The following SPEF2 variants were observed in gnomAD, a reference collection of about 807,000 sequenced individuals.
SPEF2 encodes sperm flagella and cilia-associated protein 2.
A neutral mutation model predicts 224.6 loss-of-function variants in SPEF2; 187 were observed. The ratio of observed to expected loss-of-function variants is 0.83; its 90% CI spans 0.74 to 0.94. The LOEUF (loss-of-function observed/expected upper bound fraction) is 0.94, where lower values mean the gene tolerates loss of function less well. Ranked by LOEUF, SPEF2 falls within the 40% of genes least tolerant of loss-of-function variation. The pLI is 0.00. For synonymous variants in SPEF2, 715 were observed against 707.3 expected (o/e 1.01, Z -0.17); for missense variants, 2,170 against 2,135.6 (o/e 1.02, Z -0.32).
intron 2 of SPEF2, among the ~76,000 whole-genome samples, chr5:35,630,098 A>T (rs1744869898): frequency 6.6e-6 from 1 of 152,182 alleles, no homozygotes; most frequent in Non-Finnish European, 1.5e-5. Flanking sequence ...GGGCACAGTG[A>T]TGCAAGAAGT....
chr5:35,663,507 C>T (rs1242803753), intron 8 of SPEF2, among the ~76,000 whole-genome samples: 1 of 152,114 alleles, frequency 6.6e-6, no homozygotes, highest in Admixed American at 6.6e-5. Context: ...CACCTGAAAG[C>T]TGCTTCACCC....
At chr5:35,756,834 GC>G (rs1263815304) in intron 24 of SPEF2, among the ~76,000 whole-genome samples, 1 of 152,128 alleles carries the variant, frequency 6.6e-6, no homozygotes, top group Non-Finnish European at 1.5e-5. Flanking sequence ...ACATCGAGAT[GC>G]CCTGCAGGAA....
chr5:35,695,688 A>T, intron 13 of SPEF2, 47 bp from the exon 14 acceptor site: 1 of 1,471,054 alleles, frequency 6.8e-7, no homozygotes, highest in Non-Finnish European at 9.4e-7. Context: ...TTTGGTTGTT[A>T]GGTGTAAATA....
At chr5:35,775,412 T>G (rs756062070) in intron 28 of SPEF2, among the ~76,000 whole-genome samples, 4 of 152,034 alleles carry the variant, frequency 2.6e-5, no homozygotes, top group Non-Finnish European at 5.9e-5. Context: ...AAGAGGAGTA[T>G]TACGTGCCAT....
rs1561401951 is a variant in SPEF2 at position 35,814,523 on chromosome 5, A to G, written c.5439A>G (p.Ser1813=). The change falls in exon 37 of 37, where the codon TCA becomes TCG. Residue 1813 remains serine (S), a synonymous_variant. Transcript: ENST00000356031. ...TACAAGGAAGTGATGGAGAGAGATC[A>G]CCTTCAAGACATACAGAGGAAAAGA... ...EHVQGSDGER[S]PSRHTEEKK The G allele has an allele frequency of 1.9e-6, 3 of 1,608,448 alleles. No individual in the cohort carries two copies. Among genetic ancestry groups the G allele is most frequent in the East Asian group, 2.2e-5 (1 of 44,684 alleles).
chr5:35,754,010 C>G (rs187534547), intron 24 of SPEF2, among the ~76,000 whole-genome samples: 1 of 152,206 alleles, frequency 6.6e-6, no homozygotes, highest in East Asian at 1.9e-4. Context: ...CCCAGGTGGC[C>G]TAGATATGTA....
chr5:35,749,252 A>G (rs1561301834), intron 23 of SPEF2, among the ~76,000 whole-genome samples: 1 of 152,186 alleles, frequency 6.6e-6, no homozygotes, highest in Admixed American at 6.5e-5. Flanking sequence ...CATAATACTG[A>G]ATGGGGAAAA....
intron 33 of SPEF2, among the ~76,000 whole-genome samples, chr5:35,799,143 C>G (rs570488202): frequency 6.6e-6 from 1 of 152,160 alleles, no homozygotes; most frequent in Non-Finnish European, 1.5e-5. Flanking sequence ...CTTAGAAGGT[C>G]CAGCACCATA....
intron 33 of SPEF2, among the ~76,000 whole-genome samples, chr5:35,799,287 G>T (rs1757098781): frequency 1.3e-5 from 2 of 152,184 alleles, no homozygotes; most frequent in African/African-American, 4.8e-5. Flanking sequence ...TCCAGGGCTT[G>T]GGCCTCTGCT....
chr5:35,774,029 T>A lies in SPEF2; in HGVS notation c.4078+8T>A. ...CTGCCTTGCAATTTGAAGGTAGCGATTGAAACGACTAAGATGATGCTTTTC... is the reference window on the plus strand; with the variant it reads ...CTGCCTTGCAATTTGAAGGTAGCGAATGAAACGACTAAGATGATGCTTTTC... On this transcript the variant is annotated splice_region_variant and intron_variant, in intron 28 of 36. Coordinates refer to ENST00000356031, the MANE Select transcript of SPEF2 (RefSeq NM_024867.4). 6.2e-7 allele frequency: 1 copy of A among 1,610,736 alleles called. No individual in the cohort carries two copies. Among genetic ancestry groups the A allele is most frequent in the South Asian group, 1.1e-5 (1 of 90,718 alleles).
intron 10 of SPEF2, chr5:35,675,797 G>T (rs1159420004): frequency 2.6e-6 from 1 of 389,676 alleles, no homozygotes; most frequent in Non-Finnish European, 5.1e-6. Context: ...CAATGTATTA[G>T]TTTTCAAAGA....
chr5:35,622,798 T>G (rs144434109), intron 1 of SPEF2, among the ~76,000 whole-genome samples: 6 of 152,312 alleles, frequency 3.9e-5, no homozygotes, highest in African/African-American at 1.4e-4. Context: ...AGAAGGCTAT[T>G]GTGTAAATCG....
At chr5:35,716,850 T>G (rs1742672665) in intron 20 of SPEF2, among the ~76,000 whole-genome samples, 1 of 152,200 alleles carries the variant, frequency 6.6e-6, no homozygotes, top group Non-Finnish European at 1.5e-5. Context: ...AACCATCTAT[T>G]TTTTCCTTTC....
At chr5:35,658,480 T>A (rs1169630353) in intron 7 of SPEF2, among the ~76,000 whole-genome samples, 3 of 152,246 alleles carry the variant, frequency 2.0e-5, no homozygotes, top group Non-Finnish European at 4.4e-5. Flanking sequence ...AGTCTTCAGC[T>A]GACAATGCCT....
At chr5:35,798,865 G>A (rs765482343) in intron 33 of SPEF2, among the ~76,000 whole-genome samples, 17 of 152,210 alleles carry the variant, frequency 1.1e-4, no homozygotes, top group Non-Finnish European at 2.1e-4. Context: ...CCAAAGTGCT[G>A]GGATTACAGA....
chr5:35,623,218 G>A (rs1328908321), intron 1 of SPEF2, among the ~76,000 whole-genome samples: 1 of 152,186 alleles, frequency 6.6e-6, no homozygotes, highest in Non-Finnish European at 1.5e-5. Flanking sequence ...GAATGCCAAG[G>A]CGTAGCTGTG....
Position 35,645,143 on chromosome 5 carries a change from G to T in SPEF2, c.585+618G>T, listed in dbSNP as rs144036628. 1.9e-3 allele frequency among the ~76,000 whole-genome samples: 296 copies of T among 152,316 alleles called. 2 individuals are homozygous for T. The highest frequency in any genetic ancestry group is 6.7e-3 in the African/African-American group (279 of 41,572). On this transcript the variant is annotated intron_variant, in intron 4 of 36. Coordinates refer to ENST00000356031, the MANE Select transcript of SPEF2 (RefSeq NM_024867.4). The stretch of plus-strand genomic sequence containing the variant: ...AATAATGGTACATGAAATCATTAAA[G>T]ATTTTTAAGAGTATTTCAGGTGACT...
chr5:35,730,293 G>T (rs1745430662), intron 21 of SPEF2, among the ~76,000 whole-genome samples: 1 of 152,248 alleles, frequency 6.6e-6, no homozygotes, highest in African/African-American at 2.4e-5. Context: ...GGCAGTTAGA[G>T]TGAGAGGTCT....
intron 8 of SPEF2, among the ~76,000 whole-genome samples, chr5:35,665,355 T>C (rs2149466933): frequency 6.6e-6 from 1 of 150,818 alleles, no homozygotes; most frequent in Middle Eastern, 3.4e-3. Context: ...CAGGAAATTA[T>C]GGTGGCTTTG....
Sources: gnomAD v4.1 joint callset for allele counts (sites outside exome capture counted in the v4.1 genomes callset) on GRCh38, gnomAD v4.1.1 for gene constraint, MANE v1.5 for transcripts, NCBI Gene and HGNC (gene_info 2026-07-23, HGNC 2026-07-21) for gene names.